IMMP2L: variants seen among roughly 807,000 people sequenced by gnomAD.
IMMP2L encodes mitochondrial inner membrane protease subunit 2.
In IMMP2L, 18 loss-of-function variants were observed where a neutral mutation model predicts 19.3. That is an observed-to-expected ratio of 0.93 (90% CI 0.64 to 1.38). The LOEUF (loss-of-function observed/expected upper bound fraction) is 1.38, where lower values mean the gene tolerates loss of function less well. Ranked by LOEUF, IMMP2L falls within the 40% of genes most tolerant of loss-of-function variation. IMMP2L has a pLI of 0.00. For synonymous variants in IMMP2L, 76 were observed against 73.0 expected (o/e 1.04, Z -0.21); for missense variants, 233 against 218.2 (o/e 1.07, Z -0.43).
chr7:110,671,792 A>T (rs2130343610), intron 5 of IMMP2L, among the ~76,000 whole-genome samples: 1 of 152,312 alleles, frequency 6.6e-6, no homozygotes, highest in South Asian at 2.1e-4. Flanking sequence ...AAGGACAAGC[A>T]AATGCAAAAG....
intron 3 of IMMP2L, among the ~76,000 whole-genome samples, chr7:111,448,427 T>C (rs2131877756): frequency 6.6e-6 from 1 of 151,476 alleles, no homozygotes; most frequent in East Asian, 1.9e-4. Flanking sequence ...CTCAACTACA[T>C]GGAAACTGAA....
At chr7:111,446,484 G>A (rs529369307) in intron 3 of IMMP2L, among the ~76,000 whole-genome samples, 1 of 150,378 alleles carries the variant, frequency 6.6e-6, no homozygotes, top group Non-Finnish European at 1.5e-5. Flanking sequence ...CAACAGACCT[G>A]CAGCTGAGGG....
chr7:111,015,982 C>T lies in IMMP2L; in HGVS notation c.240-52417G>A, dbSNP rs74867700. ...ACTATTTTCTTAGATCCAATGCATT[C>T]AACTCCCTAGGAATCCTCAGACAAC... On this transcript the variant is annotated intron_variant, in intron 3 of 5. Coordinates refer to ENST00000405709, the MANE Select transcript of IMMP2L (RefSeq NM_032549.4). Among the ~76,000 whole-genome samples, 29 of 152,132 alleles carry T rather than the reference C, an allele frequency of 1.9e-4. 1 individual carries two copies. The East Asian group carries it at 5.6e-3, about 29-fold the overall frequency.
chr7:111,229,890 G>C (rs1486795404), intron 3 of IMMP2L, among the ~76,000 whole-genome samples: 1 of 151,990 alleles, frequency 6.6e-6, no homozygotes, highest in Non-Finnish European at 1.5e-5. Context: ...CAAGTGTAAA[G>C]AACGGAAGAT....
intron 5 of IMMP2L, among the ~76,000 whole-genome samples, chr7:110,765,653 T>G (rs987841786): frequency 9.2e-5 from 14 of 152,296 alleles, no homozygotes; most frequent in Admixed American, 7.9e-4. Flanking sequence ...TTGAGAAATC[T>G]TAAAATTTCT....
chr7:110,839,622 G>T (rs557283613), intron 5 of IMMP2L, among the ~76,000 whole-genome samples: 2 of 152,082 alleles, frequency 1.3e-5, no homozygotes, highest in East Asian at 3.9e-4. Flanking sequence ...GCTTAAACGT[G>T]TGCACATATA....
At chr7:111,540,582 C>T (rs992090086) in intron 1 of IMMP2L, among the ~76,000 whole-genome samples, 2 of 152,300 alleles carry the variant, frequency 1.3e-5, no homozygotes, top group African/African-American at 4.8e-5. Flanking sequence ...CACTTCCAAA[C>T]TCCTCTGGCA....
intron 4 of IMMP2L, among the ~76,000 whole-genome samples, chr7:110,951,546 T>A (rs1817834258): frequency 6.6e-6 from 1 of 151,796 alleles, no homozygotes; most frequent in African/African-American, 2.4e-5. Flanking sequence ...ATGGTGTGTG[T>A]GTGTGTGTGT....
intron 3 of IMMP2L, among the ~76,000 whole-genome samples, chr7:111,098,069 G>C (rs1188459371): frequency 6.6e-6 from 1 of 151,718 alleles, no homozygotes; most frequent in Non-Finnish European, 1.5e-5. Flanking sequence ...ATATATGAAA[G>C]ATAAACATAC....
At chr7:111,554,603 G>A (rs1013146828) in intron 1 of IMMP2L, among the ~76,000 whole-genome samples, 2 of 151,666 alleles carry the variant, frequency 1.3e-5, no homozygotes, top group African/African-American at 4.8e-5. Context: ...TCAAAGCATT[G>A]CTTTATTTTT....
chr7:111,206,328 C>A (rs1467020557), intron 3 of IMMP2L, among the ~76,000 whole-genome samples: 1 of 152,106 alleles, frequency 6.6e-6, no homozygotes, highest in East Asian at 1.9e-4. Flanking sequence ...CAGTAAGTCC[C>A]CTTTAGCTTT....
intron 3 of IMMP2L, among the ~76,000 whole-genome samples, chr7:111,305,473 C>T (rs1034301889): frequency 1.3e-5 from 2 of 151,616 alleles, no homozygotes; most frequent in Non-Finnish European, 2.9e-5. Context: ...GGACTAATGG[C>T]AAATTAATAA....
intron 3 of IMMP2L, among the ~76,000 whole-genome samples, chr7:111,471,074 A>G (rs529034895): frequency 6.6e-6 from 1 of 152,178 alleles, no homozygotes; most frequent in Admixed American, 6.5e-5. Context: ...CATTGGATTT[A>G]GCAATGAGAA....
chr7:111,189,779 C>T (rs1808671440), intron 3 of IMMP2L, among the ~76,000 whole-genome samples: 1 of 152,078 alleles, frequency 6.6e-6, no homozygotes, highest in Non-Finnish European at 1.5e-5. Flanking sequence ...TCCAACCCAC[C>T]CCAGGCATGG....
intron 3 of IMMP2L, among the ~76,000 whole-genome samples, chr7:110,976,576 T>G: frequency 6.6e-6 from 1 of 152,130 alleles, no homozygotes; most frequent in East Asian, 1.9e-4. Flanking sequence ...TTTTCAAGAA[T>G]ATTTATACAA....
chr7:111,123,473 G>T lies in IMMP2L; in HGVS notation c.240-159908C>A. The T allele has an allele frequency of 6.2e-7, 1 of 1,613,782 alleles. No homozygotes were observed. The highest frequency in any genetic ancestry group is 1.7e-4 in the Middle Eastern group (1 of 6,056). On this transcript the variant is annotated intron_variant, in intron 3 of 5. Transcript: ENST00000405709. The surrounding 1 kb of genome is among the most constrained non-coding windows in gnomAD (Gnocchi z 6.4). ...GAAATACCAGATAACGCCTTGGTTG[G>T]ACTGGAAAACTTAGAAAGCATCTCT...
In IMMP2L at chr7:110,663,365, T is replaced by C. The variant is rs1791206326; in HGVS notation, c.*237A>G. ...ATTTTTATATTCCCAAAGGTCTGCATATTTTGGGGGCATTAAACAACAGGG... is the reference window on the plus strand; with the variant it reads ...ATTTTTATATTCCCAAAGGTCTGCACATTTTGGGGGCATTAAACAACAGGG... On this transcript the variant is annotated 3_prime_UTR_variant, in exon 6 of 6. Coordinates refer to ENST00000405709, the MANE Select transcript of IMMP2L (RefSeq NM_032549.4). The C allele has an allele frequency of 2.6e-6, 1 of 382,794 alleles. No homozygotes were observed. The highest frequency in any genetic ancestry group is 3.3e-5 in the South Asian group (1 of 29,862). 23.7% of individuals were successfully genotyped at this position (382,794 alleles called of 1,614,324 possible).
intron 3 of IMMP2L, among the ~76,000 whole-genome samples, chr7:110,981,111 T>C (rs767717819): frequency 6.6e-6 from 1 of 152,166 alleles, no homozygotes; most frequent in African/African-American, 2.4e-5. Flanking sequence ...TCTTAAAAAA[T>C]AGAAAATTAT....
At chr7:111,537,055 T>C (rs1258527105) in intron 1 of IMMP2L, among the ~76,000 whole-genome samples, 3 of 152,094 alleles carry the variant, frequency 2.0e-5, no homozygotes, top group Non-Finnish European at 4.4e-5. Context: ...TTCACATCAA[T>C]AAACATTTAC....
Sources: gnomAD v4.1 joint callset for allele counts (sites outside exome capture counted in the v4.1 genomes callset) on GRCh38, gnomAD v4.1.1 for gene constraint, Gnocchi (gnomAD v3.1) non-coding constraint, MANE v1.5 for transcripts, NCBI Gene and HGNC (gene_info 2026-07-23, HGNC 2026-07-21) for gene names.